PRKCA: variants seen among roughly 807,000 people sequenced by gnomAD.
The protein encoded by PRKCA is protein kinase C alpha.
PRKCA carries 27 observed loss-of-function variants against 87.0 expected under a neutral mutation model. The ratio of observed to expected loss-of-function variants is 0.31; its 90% CI spans 0.23 to 0.43. PRKCA has a LOEUF of 0.43. PRKCA is among the 20% of genes least tolerant of loss of function. The pLI is 1.00. For synonymous variants in PRKCA, 329 were observed against 311.1 expected, an observed-to-expected ratio of 1.06 and a Z score of -0.61; for missense variants, 518 against 852.3, an observed-to-expected ratio of 0.61 and a Z score of 4.88.
At chr17:66,305,597 A>G (rs1598578287) in intron 1 of PRKCA, among the ~76,000 whole-genome samples, 2 of 152,274 alleles carry the variant, frequency 1.3e-5, no homozygotes, top group South Asian at 2.1e-4. Flanking sequence ...TCTTAAGCCA[A>G]CATTAAATGT....
chr17:66,664,230 G>A (rs955957988), intron 5 of PRKCA, among the ~76,000 whole-genome samples: 3 of 152,082 alleles, frequency 2.0e-5, no homozygotes, highest in Non-Finnish European at 2.9e-5. Context: ...CAGAGCCTCC[G>A]CTTTGAGCAG....
At chr17:66,335,993 T>A (rs1419551411) in intron 2 of PRKCA, among the ~76,000 whole-genome samples, 1 of 152,206 alleles carries the variant, frequency 6.6e-6, no homozygotes, top group Non-Finnish European at 1.5e-5. Flanking sequence ...AGCTTTCATT[T>A]TATCTTCCCA....
At chr17:66,453,073 G>A (rs1030870192) in intron 2 of PRKCA, among the ~76,000 whole-genome samples, 1 of 152,172 alleles carries the variant, frequency 6.6e-6, no homozygotes, top group Non-Finnish European at 1.5e-5. Context: ...CCCCACAGTG[G>A]CTTAGGAAAT....
chr17:66,783,059 G>C (rs1975279828), intron 14 of PRKCA, among the ~76,000 whole-genome samples: 1 of 152,218 alleles, frequency 6.6e-6, no homozygotes, highest in Non-Finnish European at 1.5e-5. Context: ...ACTCACAGCG[G>C]TGAAAAACGT....
chr17:66,547,266 CTT>C (rs951408280), intron 3 of PRKCA, among the ~76,000 whole-genome samples: 4 of 152,322 alleles, frequency 2.6e-5, no homozygotes, highest in African/African-American at 9.6e-5. Context: ...CAAGACAAGT[CTT>C]GCCTTCTTTG....
intron 5 of PRKCA, among the ~76,000 whole-genome samples, chr17:66,669,544 G>C (rs1972122052): frequency 6.6e-6 from 1 of 152,178 alleles, no homozygotes; most frequent in Non-Finnish European, 1.5e-5. Flanking sequence ...AATTTATGGA[G>C]CATTCAAATG....
Position 66,471,927 on chromosome 17 carries a change from G to T in PRKCA, c.206-24274G>T, listed in dbSNP as rs529922687. ...TACTATAAAATATTTAGAAGCAGAA[G>T]ATTCAAAATTTGACCAATCAGTTTG... On this transcript the variant is annotated intron_variant, in intron 2 of 16. Coordinates refer to ENST00000413366, the MANE Select transcript of PRKCA (RefSeq NM_002737.3). Among the ~76,000 whole-genome samples, 6 of 152,242 alleles carry T rather than the reference G, an allele frequency of 3.9e-5. No homozygotes were observed. The South Asian group carries it at 1.0e-3, about 26-fold the overall frequency.
Position 66,444,560 on chromosome 17 carries a change from A to G in PRKCA, c.206-51641A>G, listed in dbSNP as rs569153377. ...CCTCCTTCTTTATGACCTTCCAGGG[A>G]ACATCCCTTTTCCTGGAGTGTAAAA... On this transcript the variant is annotated intron_variant, in intron 2 of 16. Coordinates refer to ENST00000413366, the MANE Select transcript of PRKCA (RefSeq NM_002737.3). Among the ~76,000 whole-genome samples the G allele has an allele frequency of 1.8e-4, 28 of 152,220 alleles. 1 individual carries two copies. The Middle Eastern group carries it at 0.01, about 55-fold the overall frequency.
intron 5 of PRKCA, among the ~76,000 whole-genome samples, chr17:66,679,165 C>T (rs1258757829): frequency 7.2e-6 from 1 of 139,628 alleles, no homozygotes; most frequent in Non-Finnish European, 1.5e-5. Flanking sequence ...GAAGCTACTA[C>T]ACTCACACCT....
chr17:66,311,236 G>C (rs1905073095), intron 2 of PRKCA, among the ~76,000 whole-genome samples: 1 of 152,146 alleles, frequency 6.6e-6, no homozygotes, highest in African/African-American at 2.4e-5. Context: ...AGTAATGCCA[G>C]GTCAAAGCAT....
At chr17:66,720,598 G>A (rs1180933651) in intron 8 of PRKCA, among the ~76,000 whole-genome samples, 1 of 152,202 alleles carries the variant, frequency 6.6e-6, no homozygotes, top group Non-Finnish European at 1.5e-5. Context: ...ATGATGCTGT[G>A]CTGGGCATCC....
intron 2 of PRKCA, among the ~76,000 whole-genome samples, chr17:66,448,924 T>G (rs561960601): frequency 1.3e-5 from 2 of 152,004 alleles, no homozygotes; most frequent in South Asian, 2.1e-4. Flanking sequence ...AACTTTTTTT[T>G]GTAGTATTCA....
intron 1 of PRKCA, among the ~76,000 whole-genome samples, chr17:66,303,278 A>T (rs1904617125): frequency 1.3e-5 from 2 of 151,558 alleles, no homozygotes; most frequent in Admixed American, 6.6e-5. Flanking sequence ...GGCGAAGGGG[A>T]TCCCTCTCCG....
intron 2 of PRKCA, among the ~76,000 whole-genome samples, chr17:66,410,360 G>A (rs1411881002): frequency 1.3e-5 from 2 of 152,094 alleles, no homozygotes; most frequent in African/African-American, 2.4e-5. Flanking sequence ...AAACTCAGAC[G>A]TGGCTGGTCT....
Position 66,808,507 on chromosome 17 carries a change from C to T in PRKCA, c.*4470C>T, listed in dbSNP as rs1976091547. On this transcript the variant is annotated 3_prime_UTR_variant, in exon 17 of 17. Coordinates refer to ENST00000413366, the MANE Select transcript of PRKCA (RefSeq NM_002737.3). ...CATTTCCTGTTTCTTTATAACCCGA[C>T]AAGGGTAGGAGTGCCTGTTTCCCCT... The T allele has an allele frequency of 1.3e-5, 2 of 152,366 alleles. No individual in the cohort carries two copies. Among genetic ancestry groups the T allele is most frequent in the African/African-American group, 2.4e-5 (1 of 41,342 alleles). The allele number at this position is 152,366 out of a possible 1,614,324, so 9.4% of individuals were successfully genotyped here.
In PRKCA at chr17:66,806,622, C is replaced by G. The variant is rs1343411357; in HGVS notation, c.*2585C>G. 3.3e-5 allele frequency: 5 copies of G among 152,722 alleles called. No individual in the cohort carries two copies. Among genetic ancestry groups the G allele is most frequent in the Non-Finnish European group, 5.8e-5 (4 of 68,484 alleles). 9.5% of individuals were successfully genotyped at this position (152,722 alleles called of 1,614,324 possible). A position where few individuals can be genotyped will look rare whatever the true frequency, so the allele number is the denominator to read the frequency against. On this transcript the variant is annotated 3_prime_UTR_variant, in exon 17 of 17. Transcript: ENST00000413366. ...AGAGGAGGAAGATCCCACGGAGGAA[C>G]ACATGAGGTTAGGGACCCTTGTTCA...
chr17:66,726,882 G>A (rs762620837), intron 8 of PRKCA, among the ~76,000 whole-genome samples: 15 of 152,042 alleles, frequency 9.9e-5, no homozygotes, highest in Admixed American at 8.5e-4. Flanking sequence ...CCACCACCAC[G>A]TTGGCTAATT....
intron 8 of PRKCA, among the ~76,000 whole-genome samples, chr17:66,696,260 T>G (rs749054255): frequency 6.6e-6 from 1 of 152,240 alleles, no homozygotes; most frequent in Non-Finnish European, 1.5e-5. Context: ...ATATCCCAGT[T>G]GTATGACCTG....
intron 5 of PRKCA, among the ~76,000 whole-genome samples, chr17:66,671,367 C>T (rs1018921157): frequency 6.6e-6 from 1 of 152,028 alleles, no homozygotes; most frequent in Non-Finnish European, 1.5e-5. Flanking sequence ...CAGCCCCTCC[C>T]CTTGCTAGCT....
Sources: gnomAD v4.1 joint callset for allele counts (sites outside exome capture counted in the v4.1 genomes callset) on GRCh38, gnomAD v4.1.1 for gene constraint, MANE v1.5 for transcripts, NCBI Gene and HGNC (gene_info 2026-07-23, HGNC 2026-07-21) for gene names.